Variants in RELN observed in about 807,000 individuals in gnomAD.
RELN encodes reelin.
A neutral mutation model predicts 427.6 loss-of-function variants in RELN; 108 were observed. The ratio of observed to expected loss-of-function variants is 0.25; its 90% CI spans 0.22 to 0.30. RELN has a LOEUF of 0.30. Among genes scored for constraint, RELN ranks in the 10% least tolerant of loss-of-function variants. RELN has a pLI of 1.00. For missense variants in RELN, 3,715 were observed against 4,302.8 expected (o/e 0.86, Z 3.82); for synonymous variants, 1,524 against 1,513.4 (o/e 1.01, Z -0.16).
At chr7:103,899,782 T>C (rs1393362153) in intron 2 of RELN, among the ~76,000 whole-genome samples, 1 of 152,148 alleles carries the variant, frequency 6.6e-6, no homozygotes, top group East Asian at 1.9e-4. Context: ...AAACTGGGTA[T>C]TGATGGAACA....
chr7:103,816,072 T>C (rs1284394629), intron 3 of RELN, among the ~76,000 whole-genome samples: 7 of 152,170 alleles, frequency 4.6e-5, no homozygotes, highest in Non-Finnish European at 1.0e-4. Flanking sequence ...AAAAGAGGAA[T>C]ATAGCTTTCA....
At position 103,589,773 on chromosome 7, in the gene RELN, T is replaced by C; in HGVS notation, c.3968A>G (p.Tyr1323Cys). 6.2e-7 allele frequency: 1 copy of C among 1,613,600 alleles called. No homozygotes were observed. Among genetic ancestry groups the C allele is most frequent in the Non-Finnish European group, 8.5e-7 (1 of 1,179,616 alleles). The change falls in exon 28 of 65, where the codon TAC becomes TGC. Residue 1323 changes from tyrosine (Y) to cysteine (C), a missense_variant. By Grantham distance (194) the Tyr-to-Cys change is radical (BLOSUM62 -2). This residue lies in a region of RELN where 2,208 missense variants were observed against 2,361.7 expected (regional missense o/e 0.93). Transcript: ENST00000428762. Reference sequence around the variant, plus strand: ...CCAGGACATACCAGCATCATGAGAGTACTGAAGAAGAACTGGAGCAGTACT... The same window carrying C: ...CCAGGACATACCAGCATCATGAGAGCACTGAAGAAGAACTGGAGCAGTACT... ...FSSTAPVLLQYSHDAGMSWFL... is the reference protein window; with the variant it reads ...FSSTAPVLLQCSHDAGMSWFL...
chr7:103,562,982 C>G (rs1388149703), intron 34 of RELN, among the ~76,000 whole-genome samples: 1 of 152,158 alleles, frequency 6.6e-6, no homozygotes. Flanking sequence ...TTTCTGGCTT[C>G]CTGGATTTTG....
chr7:103,886,368 G>T (rs1794726318), intron 2 of RELN, among the ~76,000 whole-genome samples: 1 of 152,068 alleles, frequency 6.6e-6, no homozygotes, highest in Non-Finnish European at 1.5e-5. Flanking sequence ...ATATCCAACT[G>T]AAAGATATTC....
chr7:103,635,325 T>C (rs1462511896), intron 19 of RELN, 100 bp downstream of exon 19: 5 of 1,326,508 alleles, frequency 3.8e-6, no homozygotes, highest in Non-Finnish European at 5.3e-6. Context: ...GCTCCATCTG[T>C]CAATGGAAAA....
In RELN at chr7:103,741,105, T is replaced by C. The variant is rs547450799; in HGVS notation, c.656+8321A>G. On this transcript the variant is annotated intron_variant, in intron 6 of 64. Transcript: ENST00000428762. ...GTAAAGAGAATCAAAGACAATATTA[T>C]AAGGGACAAAACTCAAGTGACAAAA... Among the ~76,000 whole-genome samples the C allele has an allele frequency of 5.4e-3, 822 of 152,300 alleles. 3 individuals carry two copies. The highest frequency in any genetic ancestry group is 0.02 in the Middle Eastern group (6 of 294).
chr7:103,594,009 C>T, intron 26 of RELN, 127 bp from the exon 27 acceptor site: 1 of 710,596 alleles, frequency 1.4e-6, no homozygotes, highest in Non-Finnish European at 2.2e-6. Context: ...AGAAGAATCT[C>T]TATTTTTTTT....
At chr7:103,694,505 G>A (rs867736419) in intron 10 of RELN, among the ~76,000 whole-genome samples, 110 of 107,050 alleles carry the variant, frequency 1.0e-3, no homozygotes, top group African/African-American at 4.5e-3. Context: ...GATGATGATG[G>A]CGACGACGAT....
intron 8 of RELN, among the ~76,000 whole-genome samples, chr7:103,706,999 G>T (rs897975990): frequency 2.0e-5 from 3 of 152,002 alleles, no homozygotes; most frequent in Non-Finnish European, 2.9e-5. Context: ...TTATAGACAG[G>T]GGTCTCACTG....
At chr7:103,831,903 C>T (rs75701172) in intron 3 of RELN, among the ~76,000 whole-genome samples, 270 of 152,212 alleles carry the variant, frequency 1.8e-3, no homozygotes, top group Middle Eastern at 6.8e-3. Context: ...GAAGGAAAAA[C>T]GGGCGAGAGG....
At chr7:103,747,577 C>T (rs1790875992) in intron 6 of RELN, among the ~76,000 whole-genome samples, 1 of 151,412 alleles carries the variant, frequency 6.6e-6, no homozygotes, top group African/African-American at 2.4e-5. Context: ...AGGGCCTCTG[C>T]CACCTTTTGT....
At chr7:103,676,073 A>G (rs1277665289) in intron 11 of RELN, among the ~76,000 whole-genome samples, 1 of 152,222 alleles carries the variant, frequency 6.6e-6, no homozygotes, top group Non-Finnish European at 1.5e-5. Flanking sequence ...CTGCACAACA[A>G]AAGAAACTAC....
chr7:103,703,794 T>C (rs1465377289), intron 8 of RELN, among the ~76,000 whole-genome samples: 2 of 152,120 alleles, frequency 1.3e-5, no homozygotes. Flanking sequence ...GGAAAGGTAA[T>C]GGAGAACTTT....
intron 8 of RELN, among the ~76,000 whole-genome samples, chr7:103,718,332 CAA>C (rs11300111): frequency 0.29 from 37,482 of 130,888 alleles, 4,898 homozygotes; most frequent in South Asian, 0.41. Flanking sequence ...AACAAAGCAG[CAA>C]AAAAAAAAAA....
At chr7:103,498,833 A>T (rs1350798210) in intron 53 of RELN, among the ~76,000 whole-genome samples, 1 of 152,006 alleles carries the variant, frequency 6.6e-6, no homozygotes, top group East Asian at 1.9e-4. Context: ...TTAGTTAGTT[A>T]TTTAAGCATA....
At chr7:103,515,585 C>G in intron 49 of RELN, 144 bp from the exon 50 acceptor site, 3 of 997,370 alleles carry the variant, frequency 3.0e-6, no homozygotes, top group Non-Finnish European at 4.4e-6. Context: ...TTTTCAAAAA[C>G]CACGATTAAC....
chr7:103,525,525 C>T (rs571420157), intron 46 of RELN, among the ~76,000 whole-genome samples: 1 of 152,284 alleles, frequency 6.6e-6, no homozygotes, highest in African/African-American at 2.4e-5. Flanking sequence ...CCCCTGTAAG[C>T]TGTGTAACTC....
chr7:103,832,020 G>A lies in RELN; in HGVS notation c.473+1517C>T, dbSNP rs116259497. 5.8e-3 allele frequency among the ~76,000 whole-genome samples: 885 copies of A among 152,232 alleles called. 17 individuals carry two copies. Among genetic ancestry groups the A allele is most frequent in the African/African-American group, 0.02 (818 of 41,554 alleles). On this transcript the variant is annotated intron_variant, in intron 3 of 64. Transcript: ENST00000428762. ...AAACTTTCTGAGGGAGAAAATGATG[G>A]GTTTAAATATCAACCAGTTATGTGA...
chr7:103,587,440 T>C (rs113816554), intron 28 of RELN, among the ~76,000 whole-genome samples: 12 of 152,152 alleles, frequency 7.9e-5, no homozygotes, highest in African/African-American at 2.9e-4. Context: ...AGAAAACCTA[T>C]GGAAAACTCT....
Sources: allele counts gnomAD v4.1 joint callset (sites outside exome capture counted in the v4.1 genomes callset), GRCh38; gene constraint gnomAD v4.1.1; regional missense constraint gnomAD v4.1.1; transcripts MANE v1.5; gene names NCBI Gene and HGNC (gene_info 2026-07-23, HGNC 2026-07-21).